CFAP95: variants seen among roughly 807,000 people sequenced by gnomAD.
The protein encoded by CFAP95 is cilia and flagella associated protein 95.
At chr9:69,847,545 A>G in the CFAP95 span, among the ~76,000 whole-genome samples, 1 of 152,184 alleles carries the variant, frequency 6.6e-6, no homozygotes, top group Non-Finnish European at 1.5e-5. Context: ...CCTTCCTTGT[A>G]GAAAATAGAC....
chr9:69,892,617 T>C, the CFAP95 span, among the ~76,000 whole-genome samples: 1 of 152,138 alleles, frequency 6.6e-6, no homozygotes, highest in Non-Finnish European at 1.5e-5. Context: ...TGGCCCAAAA[T>C]GAGAATATAC....
At chr9:69,890,150 A>C in the CFAP95 span, among the ~76,000 whole-genome samples, 2,256 of 152,300 alleles carry the variant, frequency 0.015, 44 homozygotes, top group African/African-American at 0.052. Flanking sequence ...GTATCTTTAA[A>C]TAAAAGAAAT....
chr9:69,821,122 G>C, the CFAP95 span: 1 of 1,451,362 alleles, frequency 6.9e-7, no homozygotes, highest in Non-Finnish European at 9.3e-7. Flanking sequence ...GAGTCAGAGA[G>C]AGGGGACAGG....
the CFAP95 span, among the ~76,000 whole-genome samples, chr9:69,840,662 ATATCT>A: frequency 3.3e-4 from 51 of 152,302 alleles, no homozygotes; most frequent in South Asian, 6.6e-3. Context: ...TAGTAAAGAC[ATATCT>A]TATATTTTAT....
the CFAP95 span, among the ~76,000 whole-genome samples, chr9:69,825,854 A>C: frequency 6.6e-6 from 1 of 152,202 alleles, no homozygotes; most frequent in African/African-American, 2.4e-5. Context: ...AAACAAATTC[A>C]TTGGGATCTC....
chr9:69,902,778 T>C, the CFAP95 span, among the ~76,000 whole-genome samples: 2 of 152,266 alleles, frequency 1.3e-5, no homozygotes, highest in South Asian at 4.1e-4. Context: ...AGGTTTCTAG[T>C]AAGTTGTTCT....
At chr9:69,893,289 G>C in the CFAP95 span, among the ~76,000 whole-genome samples, 1 of 152,212 alleles carries the variant, frequency 6.6e-6, no homozygotes, top group Non-Finnish European at 1.5e-5. Flanking sequence ...CCCTTCATGA[G>C]TCCCACGAAA....
the CFAP95 span, among the ~76,000 whole-genome samples, chr9:69,849,578 A>G: frequency 3.5e-4 from 54 of 152,266 alleles, no homozygotes; most frequent in African/African-American, 1.3e-3. Context: ...GATGGATGCT[A>G]TGACAGGAAG....
the CFAP95 span, among the ~76,000 whole-genome samples, chr9:69,888,748 C>T: frequency 6.6e-6 from 1 of 152,016 alleles, no homozygotes; most frequent in Middle Eastern, 3.4e-3. Context: ...TGTGGTGGTG[C>T]GTGTCTGTAA....
the CFAP95 span, among the ~76,000 whole-genome samples, chr9:69,889,545 A>T: frequency 1.3e-5 from 2 of 152,188 alleles, no homozygotes; most frequent in African/African-American, 4.8e-5. Context: ...ATTCTCAGCC[A>T]ATCTTTTCAG....
chr9:69,837,202 T>C, the CFAP95 span, among the ~76,000 whole-genome samples: 53 of 152,354 alleles, frequency 3.5e-4, no homozygotes, highest in Admixed American at 5.9e-4. Context: ...CGTGTGCATG[T>C]GTCTTTACAG....
At chr9:69,832,842 C>T in the CFAP95 span, among the ~76,000 whole-genome samples, 1 of 151,800 alleles carries the variant, frequency 6.6e-6, no homozygotes, top group Admixed American at 6.6e-5. Context: ...GTATCCCTCC[C>T]TATTTGGACT....
At chr9:69,875,936 A>G in the CFAP95 span, among the ~76,000 whole-genome samples, 1 of 152,208 alleles carries the variant, frequency 6.6e-6, no homozygotes, top group African/African-American at 2.4e-5. Flanking sequence ...AACTGTCATT[A>G]TACACATCTC....
chr9:69,833,872 CTTAT>C, the CFAP95 span, among the ~76,000 whole-genome samples: 5 of 152,232 alleles, frequency 3.3e-5, no homozygotes, highest in East Asian at 9.6e-4. Context: ...TGAAGAAAAG[CTTAT>C]TTGTTTTCTA....
At chr9:69,888,505 A>G in the CFAP95 span, among the ~76,000 whole-genome samples, 16 of 152,308 alleles carry the variant, frequency 1.1e-4, no homozygotes, top group African/African-American at 3.8e-4. Context: ...AACACACCCC[A>G]TTTACAAATA....
At chr9:69,886,862 A>G in the CFAP95 span, 2 of 1,613,378 alleles carry the variant, frequency 1.2e-6, no homozygotes, top group Non-Finnish European at 1.7e-6. Flanking sequence ...CGTACTCAGA[A>G]GATTATGTTC....
At chr9:69,902,986 G>A in the CFAP95 span, among the ~76,000 whole-genome samples, 3 of 152,162 alleles carry the variant, frequency 2.0e-5, no homozygotes, top group African/African-American at 4.8e-5. Context: ...TCAGGTGTAT[G>A]TTAGGATGCT....
At chr9:69,895,369 C>CTCTCTCTGTGTGTGTGTGTGTG in the CFAP95 span, among the ~76,000 whole-genome samples, 49 of 107,910 alleles carry the variant, frequency 4.5e-4, 1 homozygote, top group African/African-American at 1.5e-3. Flanking sequence ...CTCTCTCTCT[C>CTCTCTCTGTGTGTGTGTGTGTG]TGTGTGTGTG....
chr9:69,888,375 A>G, the CFAP95 span, among the ~76,000 whole-genome samples: 7 of 152,172 alleles, frequency 4.6e-5, no homozygotes, highest in Non-Finnish European at 1.0e-4. Context: ...CTTAATATAT[A>G]TAGAACTCAT....
Sources: gnomAD v4.1 joint callset for allele counts (sites outside exome capture counted in the v4.1 genomes callset) on GRCh38, gnomAD v4.1.1 for gene constraint, MANE v1.5 for transcripts, NCBI Gene and HGNC (gene_info 2026-07-23, HGNC 2026-07-21) for gene names.